SYNE1: variants seen among roughly 807,000 people sequenced by gnomAD.
The protein encoded by SYNE1 is nesprin-1.
Under a neutral mutation model 1,111.0 loss-of-function variants are expected in SYNE1, and 616 were observed. The observed-to-expected ratio is 0.55, with a 90% confidence interval of 0.52 to 0.59. The LOEUF (loss-of-function observed/expected upper bound fraction) is 0.59, where lower values mean the gene tolerates loss of function less well. Among genes scored for constraint, SYNE1 ranks in the 20% least tolerant of loss-of-function variants. SYNE1 has a pLI of 0.00. For synonymous variants in SYNE1, 3,855 were observed against 3,825.8 expected (o/e 1.01, Z -0.28); for missense variants, 10,006 against 10,417.0 (o/e 0.96, Z 1.72).
At chr6:152,536,330 A>AAT (rs1350967357) in intron 4 of SYNE1, among the ~76,000 whole-genome samples, 174 of 141,186 alleles carry the variant, frequency 1.2e-3, no homozygotes, top group African/African-American at 4.0e-3. Context: ...TATATATAGT[A>AAT]ATATATATAT....
intron 126 of SYNE1, among the ~76,000 whole-genome samples, chr6:152,203,679 T>C (rs1047565722): frequency 1.3e-5 from 2 of 152,156 alleles, no homozygotes; most frequent in Non-Finnish European, 2.9e-5. Flanking sequence ...ACCACAACTA[T>C]TTTCTGGAAG....
intron 129 of SYNE1, chr6:152,179,279 T>C (rs917755049): frequency 2.0e-5 from 3 of 152,140 alleles, no homozygotes; most frequent in Non-Finnish European, 2.9e-5. Flanking sequence ...CAGAAATGTT[T>C]TGGATCCAAA....
chr6:152,284,683 C>T (rs1673859714), intron 95 of SYNE1, among the ~76,000 whole-genome samples: 1 of 144,782 alleles, frequency 6.9e-6, no homozygotes, highest in Non-Finnish European at 1.5e-5. Flanking sequence ...AGGCTGGTCT[C>T]AAACTCCTGG....
At chr6:152,391,680 TA>T in intron 51 of SYNE1, 112 bp from the exon 52 acceptor site, 1 of 1,249,820 alleles carries the variant, frequency 8.0e-7, no homozygotes, top group Non-Finnish European at 1.1e-6. Flanking sequence ...CACAGGCTCA[TA>T]GCTGACATGC....
In SYNE1 at chr6:152,289,847, C is replaced by T. The variant is rs188156008; in HGVS notation, c.18012+3741G>A. Among the ~76,000 whole-genome samples the T allele has an allele frequency of 4.0e-5, 6 of 151,774 alleles. No individual in the cohort carries two copies. The East Asian group carries it at 9.8e-4, about 25-fold the overall frequency. ...TTCACCATGTTAGCCAGGATGGTCG[C>T]GATCTCCTGACCTCGTGATCCGCCC... is the stretch of plus-strand genomic sequence containing the variant. On this transcript the variant is annotated intron_variant, in intron 95 of 145. Coordinates refer to ENST00000367255, the MANE Select transcript of SYNE1 (RefSeq NM_182961.4).
At chr6:152,516,744 A>G (rs1041457362) in intron 6 of SYNE1, among the ~76,000 whole-genome samples, 2 of 150,292 alleles carry the variant, frequency 1.3e-5, no homozygotes, top group Non-Finnish European at 2.9e-5. Flanking sequence ...ACATCTGGCT[A>G]ATTTGTTTGT....
rs1212642821 is a variant in SYNE1 at position 152,536,623 on chromosome 6, C to T, written c.129+3337G>A. On this transcript the variant is annotated intron_variant, in intron 4 of 145. Transcript: ENST00000367255. Reference sequence around the variant, plus strand: ...AATCGAATGGGTTCACCTTTACCAACTAATTTCTCCTTCTAAACTGAATTT... The same window carrying T: ...AATCGAATGGGTTCACCTTTACCAATTAATTTCTCCTTCTAAACTGAATTT... Among the ~76,000 whole-genome samples the T allele has an allele frequency of 3.3e-5, 5 of 151,328 alleles. No individual in the cohort carries two copies. The South Asian group carries it at 1.0e-3, about 31-fold the overall frequency.
At chr6:152,336,708 G>T in intron 76 of SYNE1, 133 bp downstream of exon 76, 1 of 1,214,026 alleles carries the variant, frequency 8.2e-7, no homozygotes, top group Non-Finnish European at 1.2e-6. Context: ...GGGGACCTCT[G>T]CCTTAAAGAG....
chr6:152,520,234 G>A (rs2099132227), intron 6 of SYNE1, among the ~76,000 whole-genome samples: 1 of 152,144 alleles, frequency 6.6e-6, no homozygotes, highest in Non-Finnish European at 1.5e-5. Context: ...TTATGGTTAT[G>A]TAAGCTCTTA....
chr6:152,330,262 G>T lies in SYNE1; in HGVS notation c.14423C>A (p.Thr4808Lys). 6.2e-7 allele frequency: 1 copy of T among 1,614,132 alleles called. No individual in the cohort carries two copies. The highest frequency in any genetic ancestry group is 8.5e-7 in the Non-Finnish European group (1 of 1,180,026). Residue 4808 changes from threonine to lysine, a missense_variant, in exon 78 of 146, where the codon ACG becomes AAG. By Grantham distance (78) the Thr-to-Lys change is moderately conservative. Around this residue, in one of 7 missense-constraint regions of SYNE1, gnomAD observed 4,955 missense variants for 5,017.2 expected, o/e 0.99. Coordinates refer to ENST00000367255, the MANE Select transcript of SYNE1 (RefSeq NM_182961.4). ...TTTGAGCTTCTCCTCTGCAGGCAGC[G>T]TTTCCTCATTCACTTTGGACTGCTC... ...KEEQSKVNEE[T>K]LPAEEKLKMY...
intron 121 of SYNE1, 60 bp from the exon 122 acceptor site, chr6:152,215,120 A>G (rs915878950): frequency 3.2e-6 from 5 of 1,586,708 alleles, no homozygotes; most frequent in Non-Finnish European, 4.3e-6. Flanking sequence ...AAACTTTTTC[A>G]AAGTGCGCAG....
intron 104 of SYNE1, among the ~76,000 whole-genome samples, chr6:152,250,484 G>A (rs1296470118): frequency 6.6e-6 from 1 of 152,040 alleles, no homozygotes; most frequent in Admixed American, 6.6e-5. Context: ...ACATGTGAAG[G>A]CTTTATAATG....
At chr6:152,175,234 A>G (rs1226316507) in intron 130 of SYNE1, among the ~76,000 whole-genome samples, 1 of 152,186 alleles carries the variant, frequency 6.6e-6, no homozygotes, top group African/African-American at 2.4e-5. Flanking sequence ...GTTGATATAC[A>G]TTTATTCCAT....
At chr6:152,317,684 AGACG>A (rs1359906107) in intron 86 of SYNE1, among the ~76,000 whole-genome samples, 1 of 152,230 alleles carries the variant, frequency 6.6e-6, no homozygotes, top group Admixed American at 6.5e-5. Flanking sequence ...CAATTATTAC[AGACG>A]TGCAATCTGA....
At chr6:152,358,773 C>T (rs1164223729) in intron 65 of SYNE1, among the ~76,000 whole-genome samples, 4 of 152,070 alleles carry the variant, frequency 2.6e-5, no homozygotes, top group African/African-American at 7.2e-5. Flanking sequence ...CTCTGAACAC[C>T]TTATAAAATG....
At position 152,300,720 on chromosome 6, in the gene SYNE1, C is replaced by T. The variant is rs2153809671; in HGVS notation, c.17603G>A (p.Gly5868Glu). The change falls in exon 93 of 146, where the codon GGA (glycine) becomes GAA (glutamate). Residue 5868 changes from glycine (G) to glutamate (E), a missense_variant. Gly to Glu is a moderately conservative substitution (Grantham distance 98). Coordinates refer to ENST00000367255, the MANE Select transcript of SYNE1 (RefSeq NM_182961.4). ...TGGAGAGGAAATCTCACTGTTGGTT[C>T]CCTCCTCCCCAGACTCCTCAGTGAC... is the stretch of plus-strand genomic sequence containing the variant. ...SPVTEESGEE[G>E]TNSEISSPPA... 1 of 1,614,164 alleles carries T rather than the reference C, an allele frequency of 6.2e-7. No individual in the cohort carries two copies. Among genetic ancestry groups the T allele is most frequent in the Non-Finnish European group, 8.5e-7 (1 of 1,180,032 alleles).
At chr6:152,471,907 A>T (rs2098807741) in intron 15 of SYNE1, 142 bp from the exon 16 acceptor site, 1 of 840,574 alleles carries the variant, frequency 1.2e-6, no homozygotes, top group African/African-American at 1.7e-5. Flanking sequence ...TGGAAATCCG[A>T]TTCCTTTTCT....
chr6:152,315,587 G>C (rs1258081855), intron 87 of SYNE1: 2 of 152,154 alleles, frequency 1.3e-5, no homozygotes, highest in African/African-American at 4.8e-5. Flanking sequence ...ATGTTTGAGA[G>C]CTCTCACTTC....
At chr6:152,299,716 T>C (rs1466576922) in intron 93 of SYNE1, among the ~76,000 whole-genome samples, 3 of 152,136 alleles carry the variant, frequency 2.0e-5, no homozygotes, top group South Asian at 2.1e-4. Flanking sequence ...GGGGATTCTC[T>C]TTATCACAGA....
Sources: allele counts gnomAD v4.1 joint callset (sites outside exome capture counted in the v4.1 genomes callset), GRCh38; gene constraint gnomAD v4.1.1; regional missense constraint gnomAD v4.1.1; transcripts MANE v1.5; gene names NCBI Gene and HGNC (gene_info 2026-07-23, HGNC 2026-07-21).